LMBRD1: variants seen among roughly 807,000 people sequenced by gnomAD.
The protein encoded by LMBRD1 is LMBR1 domain containing 1, also known as lysosomal cobalamin transport escort protein LMBD1.
In LMBRD1, 64 loss-of-function variants were observed where a neutral mutation model predicts 74.8. The ratio of observed to expected loss-of-function variants is 0.86; its 90% CI spans 0.70 to 1.05. LMBRD1 has a LOEUF of 1.05. Ranked by LOEUF, LMBRD1 falls within the 50% of genes least tolerant of loss-of-function variation. The probability of loss-of-function intolerance (pLI) is 0.00; values close to 1 mark genes in which losing one functional copy is unlikely to be tolerated. For synonymous variants in LMBRD1, 204 were observed against 216.3 expected (o/e 0.94, Z 0.50); for missense variants, 652 against 645.9 (o/e 1.01, Z -0.10).
At chr6:69,789,583 C>T (rs1159123691) in intron 2 of LMBRD1, among the ~76,000 whole-genome samples, 1 of 151,290 alleles carries the variant, frequency 6.6e-6, no homozygotes, top group East Asian at 1.9e-4. Context: ...AAATTATTTA[C>T]CTAATTTAGC....
chr6:69,781,616 T>C (rs1765837150), intron 2 of LMBRD1, among the ~76,000 whole-genome samples: 1 of 152,110 alleles, frequency 6.6e-6, no homozygotes, highest in Admixed American at 6.5e-5. Flanking sequence ...CAAACTTACT[T>C]CTACAAAGGC....
intron 14 of LMBRD1, among the ~76,000 whole-genome samples, chr6:69,681,317 A>G (rs1765656108): frequency 6.6e-6 from 1 of 152,032 alleles, no homozygotes; most frequent in Admixed American, 6.6e-5. Flanking sequence ...CAAACAGAGA[A>G]ATAACAGGAA....
At chr6:69,698,406 A>G (rs2149843081) in intron 13 of LMBRD1, among the ~76,000 whole-genome samples, 1 of 152,142 alleles carries the variant, frequency 6.6e-6, no homozygotes, top group South Asian at 2.1e-4. Context: ...TGAAACATAA[A>G]TATGGTTTGA....
intron 14 of LMBRD1, among the ~76,000 whole-genome samples, chr6:69,682,240 G>A (rs1211681712): frequency 6.6e-6 from 1 of 151,894 alleles, no homozygotes; most frequent in Non-Finnish European, 1.5e-5. Flanking sequence ...CTCACTGGGA[G>A]ATTTAGGTAA....
chr6:69,740,768 A>C (rs2149870800), intron 6 of LMBRD1, among the ~76,000 whole-genome samples: 1 of 152,334 alleles, frequency 6.6e-6, no homozygotes. Flanking sequence ...TATTTATAGA[A>C]TTAAGTACAC....
chr6:69,753,972 G>A (rs927179668), intron 3 of LMBRD1, among the ~76,000 whole-genome samples: 1 of 151,942 alleles, frequency 6.6e-6, no homozygotes, highest in Admixed American at 6.6e-5. Flanking sequence ...ATGATATATG[G>A]CTATATGCTA....
At chr6:69,789,340 T>G (rs1766030423) in intron 2 of LMBRD1, among the ~76,000 whole-genome samples, 1 of 152,062 alleles carries the variant, frequency 6.6e-6, no homozygotes, top group Non-Finnish European at 1.5e-5. Flanking sequence ...CTGGCCAACA[T>G]GGCAAAACCC....
chr6:69,699,150 G>A lies in LMBRD1; in HGVS notation c.1231C>T (p.Leu411Phe), dbSNP rs1766071794. ...AGCAGAAGTATCATGCAGAGAAAAA[G>A]GAGTGCTTGGGGCCTGGTTCTACCT... ...RRGRTRPQAL[L>F]FLCMILLLIV... Residue 411 changes from leucine (L) to phenylalanine (F), a missense_variant, in exon 13 of 16, where the codon CTT (leucine) becomes TTT (phenylalanine). Around this residue, in one of 3 missense-constraint regions of LMBRD1, gnomAD observed 598 missense variants for 581.8 expected, o/e 1.03. Transcript: ENST00000649934. The A allele has an allele frequency of 6.2e-7, 1 of 1,611,628 alleles. No individual in the cohort carries two copies. Among genetic ancestry groups the A allele is most frequent in the African/African-American group, 1.3e-5 (1 of 74,774 alleles).
At chr6:69,772,139 TG>T (rs1765589563) in intron 3 of LMBRD1, among the ~76,000 whole-genome samples, 1 of 152,186 alleles carries the variant, frequency 6.6e-6, no homozygotes, top group South Asian at 2.1e-4. Context: ...CTGTAACGGT[TG>T]GACATAGGAT....
intron 3 of LMBRD1, among the ~76,000 whole-genome samples, chr6:69,763,057 A>T (rs1236644794): frequency 1.3e-5 from 2 of 150,562 alleles, no homozygotes; most frequent in Non-Finnish European, 3.0e-5. Flanking sequence ...CCACTGGACA[A>T]TTTTTTTTTT....
rs1192683258 is a variant in LMBRD1 at position 69,796,961 on chromosome 6, C to G, written c.-80G>C. 1.4e-5 allele frequency: 17 copies of G among 1,233,948 alleles called. No individual in the cohort carries two copies. The highest frequency in any genetic ancestry group is 1.6e-5 in the Non-Finnish European group (14 of 854,426). The allele number at this position is 1,233,948 out of a possible 1,614,324, so 76.4% of individuals were successfully genotyped here. Reference sequence around the variant, plus strand: ...GAAAGGGGAGAGAGCGCGAGATATACTGCACCCGCGCACCCTAAAGGTTAA... The same window carrying G: ...GAAAGGGGAGAGAGCGCGAGATATAGTGCACCCGCGCACCCTAAAGGTTAA... On this transcript the variant is annotated 5_prime_UTR_variant, in exon 1 of 16. Transcript: ENST00000649934.
chr6:69,691,963 C>T (rs9354879), intron 14 of LMBRD1, among the ~76,000 whole-genome samples: 54,555 of 150,946 alleles, frequency 0.36, 10,412 homozygotes, highest in East Asian at 0.54. Context: ...TTGATGATGG[C>T]CTTTTTTACT....
At chr6:69,761,505 A>G (rs1765371970) in intron 3 of LMBRD1, among the ~76,000 whole-genome samples, 1 of 152,152 alleles carries the variant, frequency 6.6e-6, no homozygotes, top group African/African-American at 2.4e-5. Context: ...AAATCAAATA[A>G]TAAAAGTGCA....
intron 3 of LMBRD1, among the ~76,000 whole-genome samples, chr6:69,768,725 T>C (rs1351219484): frequency 6.6e-6 from 1 of 152,072 alleles, no homozygotes; most frequent in Non-Finnish European, 1.5e-5. Flanking sequence ...CCTTTTATCC[T>C]TAAAGACTTC....
chr6:69,676,208 C>A lies in LMBRD1; in HGVS notation c.1573G>T (p.Asp525Tyr), dbSNP rs1290714898. 2 of 1,613,408 alleles carry A rather than the reference C, an allele frequency of 1.2e-6. No homozygotes were observed. The highest frequency in any genetic ancestry group is 1.1e-5 in the South Asian group (1 of 91,076). ...KGKKSVIEGV[D>Y]EDSDISDDEP... ...TCATCACTTATGTCTGAATCTTCATCTACTCCTTCAATAACCGATTTCTTC... is the reference window on the plus strand; with the variant it reads ...TCATCACTTATGTCTGAATCTTCATATACTCCTTCAATAACCGATTTCTTC... The change falls in exon 16 of 16, where the codon GAT becomes TAT. Residue 525 changes from aspartate to tyrosine, a missense_variant. By Grantham distance (160) the Asp-to-Tyr change is radical (BLOSUM62 -3). This residue lies in a region of LMBRD1 where 51 missense variants were observed against 46.9 expected (regional missense o/e 1.09). Coordinates refer to ENST00000649934, the MANE Select transcript of LMBRD1 (RefSeq NM_018368.4).
chr6:69,738,127 C>T, intron 6 of LMBRD1, 112 bp from the exon 7 acceptor site: 1 of 782,832 alleles, frequency 1.3e-6, no homozygotes, highest in Non-Finnish European at 2.2e-6. Flanking sequence ...GAAATAAAAA[C>T]CAATATGTAT....
Position 69,796,887 on chromosome 6 carries a change from CT to C in LMBRD1, c.-7del. Reference sequence around the variant, plus strand: ...GCCGCGCCAGAAGTCGCCATCTTCGCTTCCGGTCCAGACCAACCTGAGCGCC... The same window carrying C: ...GCCGCGCCAGAAGTCGCCATCTTCGCTCCGGTCCAGACCAACCTGAGCGCC... On this transcript the variant is annotated 5_prime_UTR_variant, in exon 1 of 16. Coordinates refer to ENST00000649934, the MANE Select transcript of LMBRD1 (RefSeq NM_018368.4). 1.2e-5 allele frequency: 19 copies of C among 1,613,640 alleles called. No homozygotes were observed. The highest frequency in any genetic ancestry group is 1.6e-5 in the Non-Finnish European group (19 of 1,179,880).
chr6:69,787,506 A>C (rs1465914548), intron 2 of LMBRD1, among the ~76,000 whole-genome samples: 4 of 152,200 alleles, frequency 2.6e-5, no homozygotes, highest in Non-Finnish European at 5.9e-5. Flanking sequence ...GCACTTTGGG[A>C]GGCCAAGACG....
intron 7 of LMBRD1, among the ~76,000 whole-genome samples, chr6:69,730,985 T>G (rs958840638): frequency 1.9e-4 from 29 of 152,052 alleles, no homozygotes; most frequent in African/African-American, 6.8e-4. Context: ...GAGATAAGAA[T>G]AGAACACACA....
Sources: gnomAD v4.1 joint callset for allele counts (sites outside exome capture counted in the v4.1 genomes callset) on GRCh38, gnomAD v4.1.1 for gene constraint, gnomAD v4.1.1 regional missense constraint, MANE v1.5 for transcripts, NCBI Gene and HGNC (gene_info 2026-07-23, HGNC 2026-07-21) for gene names.